The following SORCS3 variants were observed in gnomAD, a reference collection of about 807,000 sequenced individuals.
SORCS3 encodes the protein sortilin related VPS10 domain containing receptor 3.
Under a neutral mutation model 146.3 loss-of-function variants are expected in SORCS3, and 57 were observed. The ratio of observed to expected loss-of-function variants is 0.39; its 90% CI spans 0.31 to 0.49. The LOEUF is 0.49. Ranked by LOEUF, SORCS3 falls within the 20% of genes least tolerant of loss-of-function variation. The pLI, the probability that SORCS3 is intolerant of heterozygous loss-of-function variation, is 0.92. For missense variants in SORCS3, 1,341 were observed against 1,575.5 expected, an observed-to-expected ratio of 0.85 and a Z score of 2.52; for synonymous variants, 653 against 618.5, an observed-to-expected ratio of 1.06 and a Z score of -0.83.
chr10:104,808,769 G>A (rs1002663805), intron 1 of SORCS3, among the ~76,000 whole-genome samples: 1 of 152,176 alleles, frequency 6.6e-6, no homozygotes, highest in East Asian at 1.9e-4. Flanking sequence ...ATACTTTGAT[G>A]TGCACAATCC....
chr10:105,121,395 TA>T (rs2055931600), intron 7 of SORCS3, among the ~76,000 whole-genome samples: 1 of 152,176 alleles, frequency 6.6e-6, no homozygotes, highest in African/African-American at 2.4e-5. Flanking sequence ...GAAATATAGG[TA>T]ATCACCCATG....
intron 4 of SORCS3, among the ~76,000 whole-genome samples, chr10:105,010,152 C>A (rs2055125339): frequency 6.6e-6 from 1 of 152,130 alleles, no homozygotes; most frequent in African/African-American, 2.4e-5. Context: ...TCTCACTATG[C>A]TGTGAGTCTC....
chr10:105,075,232 GT>G (rs1413956385), intron 5 of SORCS3, among the ~76,000 whole-genome samples: 1 of 152,192 alleles, frequency 6.6e-6, no homozygotes, highest in Admixed American at 6.5e-5. Context: ...CACTGACTCA[GT>G]CAGCAGAGCC....
intron 1 of SORCS3, among the ~76,000 whole-genome samples, chr10:104,795,299 T>C (rs915740408): frequency 6.6e-6 from 1 of 152,238 alleles, no homozygotes; most frequent in South Asian, 2.1e-4. Flanking sequence ...ATGTGTGCTA[T>C]TGGCAGTTCA....
At chr10:104,949,084 T>G (rs2019401999) in intron 3 of SORCS3, among the ~76,000 whole-genome samples, 1 of 152,166 alleles carries the variant, frequency 6.6e-6, no homozygotes, top group Admixed American at 6.6e-5. Flanking sequence ...TGACCAAGCT[T>G]TGGCAATAAC....
intron 3 of SORCS3, among the ~76,000 whole-genome samples, chr10:104,976,888 A>G (rs1420143627): frequency 1.3e-5 from 2 of 152,004 alleles, no homozygotes; most frequent in East Asian, 3.9e-4. Context: ...GAAGGGGAAC[A>G]TCACACTCTG....
chr10:105,126,334 C>T (rs1171376577), intron 7 of SORCS3, among the ~76,000 whole-genome samples: 1 of 152,118 alleles, frequency 6.6e-6, no homozygotes, highest in Non-Finnish European at 1.5e-5. Context: ...TGCAACCTCT[C>T]CGGCTTGACT....
At chr10:104,840,211 G>T (rs1166542103) in intron 1 of SORCS3, among the ~76,000 whole-genome samples, 1 of 152,184 alleles carries the variant, frequency 6.6e-6, no homozygotes, top group Non-Finnish European at 1.5e-5. Flanking sequence ...AGAGGAAGGA[G>T]AAACTAAGGA....
At chr10:104,748,734 T>C (rs1214285897) in intron 1 of SORCS3, among the ~76,000 whole-genome samples, 6 of 152,140 alleles carry the variant, frequency 3.9e-5, no homozygotes, top group Non-Finnish European at 8.8e-5. Context: ...GTGCCTGTAA[T>C]CCCAGCTACT....
rs143982937 is a variant in SORCS3 at position 105,217,019 on chromosome 10, C to T, written c.2631C>T (p.Asp877=). Residue 877 remains aspartate (D), a synonymous_variant, in exon 19 of 27, where the codon GAC becomes GAT. Coordinates refer to ENST00000369701, the MANE Select transcript of SORCS3 (RefSeq NM_014978.3). ...VSYANFSPIE[D]GIKHVYKSAG... is the part of the protein sequence containing the mutation. ...ACGCAAACTTCAGCCCCATCGAGGA[C>T]GGCATCAAGCACGTGTATAAGAGTG... The T allele has an allele frequency of 7.6e-5, 122 of 1,614,154 alleles. No individual in the cohort carries two copies. Among genetic ancestry groups the T allele is most frequent in the South Asian group, 5.1e-4 (46 of 91,084 alleles).
At chr10:105,201,368 A>G in intron 16 of SORCS3, 115 bp downstream of exon 16, 3 of 1,269,540 alleles carry the variant, frequency 2.4e-6, no homozygotes, top group South Asian at 3.1e-5. Flanking sequence ...TAGGAGGTGT[A>G]TCTGCTGGCC....
chr10:104,878,089 T>G (rs1195912004), intron 2 of SORCS3, among the ~76,000 whole-genome samples: 2 of 152,026 alleles, frequency 1.3e-5, no homozygotes, highest in Non-Finnish European at 2.9e-5. Flanking sequence ...TTTATGAAAT[T>G]CTTTTTTTTT....
At chr10:104,730,764 A>C (rs114407353) in intron 1 of SORCS3, among the ~76,000 whole-genome samples, 1 of 152,294 alleles carries the variant, frequency 6.6e-6, no homozygotes, top group South Asian at 2.1e-4. Context: ...CAGGAGAGAT[A>C]ATGAGAGCCA....
chr10:105,104,505 A>T (rs975590582), intron 6 of SORCS3, among the ~76,000 whole-genome samples: 3 of 152,174 alleles, frequency 2.0e-5, no homozygotes, highest in Admixed American at 2.0e-4. Flanking sequence ...GCTTGAGGCG[A>T]GGGAGGAGGG....
At chr10:105,195,218 T>A (rs1479410441) in intron 14 of SORCS3, among the ~76,000 whole-genome samples, 1 of 152,190 alleles carries the variant, frequency 6.6e-6, no homozygotes, top group African/African-American at 2.4e-5. Context: ...CTGTACCTAT[T>A]TTGCTGGTAA....
chr10:104,952,708 A>G (rs2019445490), intron 3 of SORCS3, among the ~76,000 whole-genome samples: 1 of 152,162 alleles, frequency 6.6e-6, no homozygotes, highest in African/African-American at 2.4e-5. Context: ...TCCAGCCTAA[A>G]TGCATGCACA....
chr10:105,121,488 ATGAT>A (rs1163984758), intron 7 of SORCS3, among the ~76,000 whole-genome samples: 1 of 152,196 alleles, frequency 6.6e-6, no homozygotes, highest in Non-Finnish European at 1.5e-5. Context: ...CAAGAGGACA[ATGAT>A]TGATTTCTCA....
chr10:104,941,380 T>G (rs1441847841), intron 3 of SORCS3, among the ~76,000 whole-genome samples: 1 of 152,196 alleles, frequency 6.6e-6, no homozygotes, highest in Non-Finnish European at 1.5e-5. Context: ...GATTTTATAA[T>G]ATAAGGAAGA....
intron 2 of SORCS3, among the ~76,000 whole-genome samples, chr10:104,846,731 T>A (rs2018210058): frequency 2.0e-5 from 3 of 152,158 alleles, no homozygotes; most frequent in African/African-American, 7.2e-5. Flanking sequence ...ACCACCAGAG[T>A]AGTTATGTAA....
Sources: gnomAD v4.1 joint callset for allele counts (sites outside exome capture counted in the v4.1 genomes callset) on GRCh38, gnomAD v4.1.1 for gene constraint, MANE v1.5 for transcripts, NCBI Gene and HGNC (gene_info 2026-07-23, HGNC 2026-07-21) for gene names.